The following SPMIP11 variants were observed in gnomAD, a reference collection of about 807,000 sequenced individuals.
The protein encoded by SPMIP11 is sperm microtubule inner protein 11, also known as long intergenic non-protein coding RNA 935.
At chr12:48,763,248 C>A in the SPMIP11 span, among the ~76,000 whole-genome samples, 2 of 152,188 alleles carry the variant, frequency 1.3e-5, no homozygotes, top group Non-Finnish European at 2.9e-5. Context: ...TGGCTCACTG[C>A]AGCCTCAACA....
chr12:48,731,203 T>C, the SPMIP11 span, among the ~76,000 whole-genome samples: 1 of 151,422 alleles, frequency 6.6e-6, no homozygotes. Flanking sequence ...TCATAAAGAA[T>C]TACTCACGGC....
the SPMIP11 span, among the ~76,000 whole-genome samples, chr12:48,763,053 G>T: frequency 6.6e-6 from 1 of 152,000 alleles, no homozygotes; most frequent in African/African-American, 2.4e-5. Flanking sequence ...AACTGTATGT[G>T]AACCTATAAT....
the SPMIP11 span, among the ~76,000 whole-genome samples, chr12:48,749,300 C>T: frequency 6.6e-6 from 1 of 150,776 alleles, no homozygotes; most frequent in Non-Finnish European, 1.5e-5. Context: ...TAAAACCCCT[C>T]ATTTCCTATT....
At chr12:48,734,635 T>C in the SPMIP11 span, among the ~76,000 whole-genome samples, 2 of 152,312 alleles carry the variant, frequency 1.3e-5, no homozygotes, top group Admixed American at 1.3e-4. Context: ...GATACCACTC[T>C]GTGATTGTTA....
At chr12:48,768,624 G>A in the SPMIP11 span, 1 of 1,613,968 alleles carries the variant, frequency 6.2e-7, no homozygotes, top group African/African-American at 1.3e-5. Flanking sequence ...GGAAGTAGGT[G>A]GTCATCTCCC....
At chr12:48,744,350 G>A in the SPMIP11 span, among the ~76,000 whole-genome samples, 1 of 152,088 alleles carries the variant, frequency 6.6e-6, no homozygotes, top group East Asian at 1.9e-4. Context: ...AGATTGCAGT[G>A]AGCTGAGATC....
the SPMIP11 span, among the ~76,000 whole-genome samples, chr12:48,740,384 C>T: frequency 6.6e-6 from 1 of 152,074 alleles, no homozygotes; most frequent in Non-Finnish European, 1.5e-5. Context: ...CTAACAACAA[C>T]TCACCATGTA....
the SPMIP11 span, among the ~76,000 whole-genome samples, chr12:48,743,191 A>G: frequency 6.6e-6 from 1 of 151,748 alleles, no homozygotes; most frequent in South Asian, 2.1e-4. Flanking sequence ...TCAGGAGTTC[A>G]AGATCAGCAT....
At chr12:48,728,763 G>A in the SPMIP11 span, among the ~76,000 whole-genome samples, 2 of 145,204 alleles carry the variant, frequency 1.4e-5, no homozygotes, top group African/African-American at 5.1e-5. Context: ...AAGGAACAGA[G>A]ACCTAAGAGA....
chr12:48,741,032 CTGGAA>C, the SPMIP11 span, among the ~76,000 whole-genome samples: 1 of 149,394 alleles, frequency 6.7e-6, no homozygotes, highest in South Asian at 2.1e-4. Flanking sequence ...CTCCTTTAAT[CTGGAA>C]TAGTTCCTCC....
chr12:48,763,822 G>T, the SPMIP11 span, among the ~76,000 whole-genome samples: 1 of 151,700 alleles, frequency 6.6e-6, no homozygotes, highest in Non-Finnish European at 1.5e-5. Context: ...GCGATTACAG[G>T]CACCCCCCAC....
chr12:48,768,878 C>T, the SPMIP11 span: 1 of 1,566,978 alleles, frequency 6.4e-7, no homozygotes, highest in East Asian at 2.3e-5. Flanking sequence ...ACTGCAGAGA[C>T]ACCTGTGGAA....
chr12:48,769,327 AGATT>A, the SPMIP11 span, among the ~76,000 whole-genome samples: 19 of 147,446 alleles, frequency 1.3e-4, no homozygotes, highest in Non-Finnish European at 2.7e-4. Context: ...GTGGGAGAAT[AGATT>A]GATTGAGCCT....
the SPMIP11 span, among the ~76,000 whole-genome samples, chr12:48,757,432 G>T: frequency 2.0e-5 from 3 of 151,814 alleles, no homozygotes; most frequent in African/African-American, 7.3e-5. Flanking sequence ...TGGATCATGA[G>T]GTCAGGAGTT....
chr12:48,745,802 T>A, the SPMIP11 span, among the ~76,000 whole-genome samples: 1 of 152,174 alleles, frequency 6.6e-6, no homozygotes, highest in Non-Finnish European at 1.5e-5. Context: ...ATCATAAAGT[T>A]AAAATCAAGA....
the SPMIP11 span, among the ~76,000 whole-genome samples, chr12:48,757,402 C>T: frequency 6.6e-6 from 1 of 151,952 alleles, no homozygotes; most frequent in African/African-American, 2.4e-5. Flanking sequence ...AATCCTAGCC[C>T]TTTGGGAGGC....
At chr12:48,769,109 C>T in the SPMIP11 span, 4 of 1,505,904 alleles carry the variant, frequency 2.7e-6, no homozygotes, top group South Asian at 4.2e-5. Context: ...CCAGGGTAAA[C>T]CCAGGGAGTC....
the SPMIP11 span, among the ~76,000 whole-genome samples, chr12:48,760,876 T>C: frequency 6.6e-6 from 1 of 152,250 alleles, no homozygotes; most frequent in Non-Finnish European, 1.5e-5. Flanking sequence ...GCCTGAGCTA[T>C]TGTTTTACTA....
At chr12:48,768,158 T>G in the SPMIP11 span, 1 of 253,222 alleles carries the variant, frequency 3.9e-6, no homozygotes, top group Non-Finnish European at 7.8e-6. Flanking sequence ...TGCCTGTCTT[T>G]GTACAAAATA....
Sources: allele counts gnomAD v4.1 joint callset (sites outside exome capture counted in the v4.1 genomes callset), GRCh38; gene constraint gnomAD v4.1.1; transcripts MANE v1.5; gene names NCBI Gene and HGNC (gene_info 2026-07-23, HGNC 2026-07-21).